Variants in CADM2 observed in about 807,000 individuals in gnomAD.
The protein encoded by CADM2 is cell adhesion molecule 2, also known as immunoglobulin superfamily member 4D.
CADM2 carries 12 observed loss-of-function variants against 49.8 expected under a neutral mutation model. The ratio of observed to expected loss-of-function variants is 0.24; its 90% CI spans 0.15 to 0.39. CADM2 has a LOEUF of 0.39. Ranked by LOEUF, CADM2 falls within the 10% of genes least tolerant of loss-of-function variation. The pLI, the probability that CADM2 is intolerant of heterozygous loss-of-function variation, is 1.00. For synonymous variants in CADM2, 214 were observed against 175.4 expected (o/e 1.22, Z -1.74); for missense variants, 378 against 492.3 (o/e 0.77, Z 2.20).
chr3:84,977,159 A>G (rs1032088279), intron 1 of CADM2, among the ~76,000 whole-genome samples: 3 of 152,018 alleles, frequency 2.0e-5, no homozygotes, highest in African/African-American at 4.8e-5. Context: ...TCTTTATTAT[A>G]CTGAAAGAAA....
At chr3:85,902,746 G>A (rs1013878562) in intron 5 of CADM2, among the ~76,000 whole-genome samples, 1 of 151,246 alleles carries the variant, frequency 6.6e-6, no homozygotes, top group African/African-American at 2.4e-5. Flanking sequence ...ATGCTCTCAG[G>A]CATATCATAT....
chr3:85,267,456 G>A (rs1193977537), intron 1 of CADM2, among the ~76,000 whole-genome samples: 1 of 151,572 alleles, frequency 6.6e-6, no homozygotes, highest in Admixed American at 6.6e-5. Flanking sequence ...TTACTCAAAT[G>A]TCATCCTCCC....
chr3:85,894,738 G>C (rs1714984233), intron 5 of CADM2, among the ~76,000 whole-genome samples: 1 of 152,194 alleles, frequency 6.6e-6, no homozygotes, highest in Non-Finnish European at 1.5e-5. Context: ...GCACCCAGCT[G>C]CTTCAGCTCC....
chr3:85,613,448 G>A (rs972955095), intron 1 of CADM2, among the ~76,000 whole-genome samples: 2 of 151,502 alleles, frequency 1.3e-5, no homozygotes, highest in Non-Finnish European at 3.0e-5. Flanking sequence ...CAAAAACATA[G>A]CACTTTTCAA....
intron 1 of CADM2, among the ~76,000 whole-genome samples, chr3:85,519,767 A>G (rs1457153379): frequency 6.6e-6 from 1 of 152,142 alleles, no homozygotes; most frequent in Non-Finnish European, 1.5e-5. Flanking sequence ...CCGCAGCTAC[A>G]TTGATTTTCT....
At chr3:85,924,383 A>C (rs1366731288) in intron 6 of CADM2, among the ~76,000 whole-genome samples, 1 of 152,034 alleles carries the variant, frequency 6.6e-6, no homozygotes, top group South Asian at 2.1e-4. Flanking sequence ...TGAGCTCAGG[A>C]GTTTGAAACC....
intron 1 of CADM2, among the ~76,000 whole-genome samples, chr3:85,475,040 A>C (rs545749180): frequency 6.6e-6 from 1 of 152,000 alleles, no homozygotes; most frequent in East Asian, 1.9e-4. Context: ...TTAAGAAAAT[A>C]ATTTTTCTTG....
At chr3:85,661,539 A>G (rs2065403640) in intron 1 of CADM2, among the ~76,000 whole-genome samples, 1 of 152,002 alleles carries the variant, frequency 6.6e-6, no homozygotes, top group South Asian at 2.1e-4. Flanking sequence ...GAGTAGGAGA[A>G]GGGGTTGTCT....
intron 1 of CADM2, among the ~76,000 whole-genome samples, chr3:85,349,902 C>T (rs1376938363): frequency 6.6e-6 from 1 of 152,130 alleles, no homozygotes; most frequent in Admixed American, 6.5e-5. Flanking sequence ...TTGGTAGAAA[C>T]AGCAAGGTGG....
chr3:85,751,180 A>G (rs2068844067), intron 2 of CADM2, among the ~76,000 whole-genome samples: 1 of 152,098 alleles, frequency 6.6e-6, no homozygotes, highest in Non-Finnish European at 1.5e-5. Flanking sequence ...GAGGTGATAG[A>G]AAAGAACCTA....
At chr3:85,183,129 A>G (rs2040976286) in intron 1 of CADM2, among the ~76,000 whole-genome samples, 1 of 152,126 alleles carries the variant, frequency 6.6e-6, no homozygotes, top group Non-Finnish European at 1.5e-5. Flanking sequence ...AATTAATACT[A>G]AGCTTTTCAG....
At chr3:85,354,312 A>T (rs1249170690) in intron 1 of CADM2, among the ~76,000 whole-genome samples, 2 of 132,010 alleles carry the variant, frequency 1.5e-5, no homozygotes, top group Middle Eastern at 4.2e-3. Context: ...ATGAGAACAC[A>T]TGGACACAGG....
At chr3:85,719,572 A>T (rs1333155036) in intron 1 of CADM2, among the ~76,000 whole-genome samples, 2 of 152,176 alleles carry the variant, frequency 1.3e-5, no homozygotes, top group African/African-American at 4.8e-5. Flanking sequence ...AGAGGAGAAA[A>T]TATATTTACT....
chr3:85,380,550 A>T (rs957756444), intron 1 of CADM2, among the ~76,000 whole-genome samples: 10 of 151,980 alleles, frequency 6.6e-5, no homozygotes, highest in African/African-American at 2.4e-4. Flanking sequence ...AAATACAATG[A>T]TATACTTGAA....
At chr3:85,182,125 C>G (rs186646690) in intron 1 of CADM2, among the ~76,000 whole-genome samples, 1 of 151,742 alleles carries the variant, frequency 6.6e-6, no homozygotes. Context: ...AATAGAAACA[C>G]GATATATGCA....
intron 3 of CADM2, among the ~76,000 whole-genome samples, chr3:85,860,056 C>A (rs2108318716): frequency 6.6e-6 from 1 of 152,102 alleles, no homozygotes; most frequent in South Asian, 2.1e-4. Context: ...ATATCTTTAG[C>A]TCATTTCAGT....
intron 1 of CADM2, among the ~76,000 whole-genome samples, chr3:85,199,938 C>T (rs1441452431): frequency 1.3e-5 from 2 of 151,962 alleles, no homozygotes; most frequent in Admixed American, 6.6e-5. Context: ...CTGTGAAATT[C>T]GTGGGCAGGT....
intron 1 of CADM2, among the ~76,000 whole-genome samples, chr3:85,370,072 G>A (rs1457510685): frequency 6.6e-6 from 1 of 151,744 alleles, no homozygotes; most frequent in Non-Finnish European, 1.5e-5. Context: ...AATTAGCTGA[G>A]AATAGTGGCA....
At chr3:85,800,801 A>G (rs1281230653) in intron 2 of CADM2, 2 of 152,006 alleles carry the variant, frequency 1.3e-5, no homozygotes, top group African/African-American at 4.8e-5. Context: ...GAAATCACCC[A>G]CCTTCTGCCT....
Sources: gnomAD v4.1 joint callset for allele counts (sites outside exome capture counted in the v4.1 genomes callset) on GRCh38, gnomAD v4.1.1 for gene constraint, MANE v1.5 for transcripts, NCBI Gene and HGNC (gene_info 2026-07-23, HGNC 2026-07-21) for gene names.